The following LDB2 variants were observed in gnomAD, a reference collection of about 807,000 sequenced individuals.
The protein encoded by LDB2 is LIM domain-binding protein 2.
In LDB2, 12 loss-of-function variants were observed where a neutral mutation model predicts 44.3. The observed-to-expected ratio is 0.27, with a 90% CI of 0.17 to 0.44. The LOEUF (loss-of-function observed/expected upper bound fraction) is 0.44, where lower values mean the gene tolerates loss of function less well. LDB2 is among the 20% of genes least tolerant of loss of function. The probability of loss-of-function intolerance (pLI) is 1.00; values close to 1 mark genes in which losing one functional copy is unlikely to be tolerated. For synonymous variants in LDB2, 164 were observed against 174.8 expected, an observed-to-expected ratio of 0.94 and a Z score of 0.49; for missense variants, 344 against 473.5, an observed-to-expected ratio of 0.73 and a Z score of 2.54.
chr4:16,748,767 T>C (rs1409795389), intron 2 of LDB2, among the ~76,000 whole-genome samples: 1 of 152,212 alleles, frequency 6.6e-6, no homozygotes. Context: ...TTTTTCCAAA[T>C]GCTTTACGTT....
chr4:16,512,729 A>T (rs895814637), intron 5 of LDB2, among the ~76,000 whole-genome samples: 1 of 152,224 alleles, frequency 6.6e-6, no homozygotes, highest in African/African-American at 2.4e-5. Flanking sequence ...TGTAAATAAC[A>T]TATGTCAACA....
chr4:16,542,670 AAT>A (rs1285407609), intron 5 of LDB2, among the ~76,000 whole-genome samples: 1 of 152,194 alleles, frequency 6.6e-6, no homozygotes, highest in Non-Finnish European at 1.5e-5. Flanking sequence ...GTCCAAAAAC[AAT>A]AGTCTATTCA....
In LDB2 at chr4:16,777,158, C is replaced by T. The variant is rs115024601; in HGVS notation, c.133-17898G>A. Reference sequence around the variant, plus strand: ...GCAGGCACTGGAAGTAGAGGGTGAACAGGAATAGCCTAGCCCCCTCCCACA... The same window carrying T: ...GCAGGCACTGGAAGTAGAGGGTGAATAGGAATAGCCTAGCCCCCTCCCACA... On this transcript the variant is annotated intron_variant, in intron 1 of 7. Transcript: ENST00000304523. 6.8e-3 allele frequency among the ~76,000 whole-genome samples: 1,034 copies of T among 152,208 alleles called. 8 individuals are homozygous for T. Among genetic ancestry groups the T allele is most frequent in the African/African-American group, 0.024 (981 of 41,530 alleles).
intron 5 of LDB2, among the ~76,000 whole-genome samples, chr4:16,536,221 C>G (rs150330624): frequency 6.6e-6 from 1 of 152,294 alleles, no homozygotes; most frequent in Non-Finnish European, 1.5e-5. Flanking sequence ...TGTGTAGGAG[C>G]AGATAGCAAG....
chr4:16,705,863 CA>C (rs1241623587), intron 2 of LDB2, among the ~76,000 whole-genome samples: 2 of 152,230 alleles, frequency 1.3e-5, no homozygotes, highest in East Asian at 3.9e-4. Flanking sequence ...TCTCTCCAAT[CA>C]GATATAAATT....
At chr4:16,737,854 G>A (rs1762219998) in intron 2 of LDB2, among the ~76,000 whole-genome samples, 1 of 152,088 alleles carries the variant, frequency 6.6e-6, no homozygotes, top group African/African-American at 2.4e-5. Flanking sequence ...TGTGTTTTAA[G>A]AATTATCTTC....
chr4:16,866,057 C>T (rs1219685900), intron 1 of LDB2, among the ~76,000 whole-genome samples: 1 of 152,164 alleles, frequency 6.6e-6, no homozygotes, highest in African/African-American at 2.4e-5. Flanking sequence ...GCATGGAAGT[C>T]TAATAATTGT....
At chr4:16,555,848 A>G (rs950237999) in intron 5 of LDB2, among the ~76,000 whole-genome samples, 1 of 152,076 alleles carries the variant, frequency 6.6e-6, no homozygotes, top group Non-Finnish European at 1.5e-5. Flanking sequence ...TCTGCCACCA[A>G]CCACTCCGCC....
chr4:16,505,744 A>G (rs1481917010), intron 7 of LDB2: 1 of 1,297,258 alleles, frequency 7.7e-7, no homozygotes, highest in Non-Finnish European at 1.0e-6. Context: ...GCTCCCCACA[A>G]GGCCAACTTC....
intron 1 of LDB2, among the ~76,000 whole-genome samples, chr4:16,866,737 C>T (rs930450194): frequency 1.1e-4 from 17 of 152,160 alleles, no homozygotes; most frequent in African/African-American, 4.1e-4. Flanking sequence ...CATACAAAAA[C>T]GTCCTGTCTT....
At chr4:16,731,889 C>A (rs895157666) in intron 2 of LDB2, among the ~76,000 whole-genome samples, 1 of 152,008 alleles carries the variant, frequency 6.6e-6, no homozygotes, top group African/African-American at 2.4e-5. Flanking sequence ...AAAAAGCAAA[C>A]GAATGTAAAT....
chr4:16,725,475 G>A lies in LDB2; in HGVS notation c.235+33683C>T, dbSNP rs183092384. On this transcript the variant is annotated intron_variant, in intron 2 of 7. Coordinates refer to ENST00000304523, the MANE Select transcript of LDB2 (RefSeq NM_001290.5). ...TCAGACTTGCAGGAAGCCGGATCCC[G>A]CTATCTCTAGTAACAATCCAGGAAG... is the stretch of plus-strand genomic sequence containing the variant. Among the ~76,000 whole-genome samples, 433 of 152,172 alleles carry A rather than the reference G, an allele frequency of 2.8e-3. 1 individual carries two copies. The highest frequency in any genetic ancestry group is 4.1e-3 in the Non-Finnish European group (276 of 67,988).
Position 16,712,559 on chromosome 4 carries a change from A to C in LDB2, c.235+46599T>G, listed in dbSNP as rs1239949934. 2.6e-5 allele frequency among the ~76,000 whole-genome samples: 4 copies of C among 152,170 alleles called. No individual in the cohort carries two copies. The East Asian group carries it at 5.8e-4, about 22-fold the overall frequency. ...ACGGTGAGACTCTGTCTCAAAAAAA[A>C]CAAAAAGAAAAGAAAAGAAATTTCT... is the stretch of plus-strand genomic sequence containing the variant. On this transcript the variant is annotated intron_variant, in intron 2 of 7. Transcript: ENST00000304523.
rs570015306 is a variant in LDB2, at chr4:16,505,360, C to CGT, written c.892-2489_892-2488dup. On this transcript the variant is annotated intron_variant, in intron 7 of 7. Coordinates refer to ENST00000304523, the MANE Select transcript of LDB2 (RefSeq NM_001290.5). Reference sequence around the variant, plus strand: ...GTGTGTGTGTGTGAGAGAGAGAGAGCGTGTGTGTGTGTGTGTATGTGTTTG... The same window carrying CGT: ...GTGTGTGTGTGTGAGAGAGAGAGAGCGTGTGTGTGTGTGTGTGTATGTGTTTG... 1.8e-3 allele frequency among the ~76,000 whole-genome samples: 262 copies of CGT among 149,592 alleles called. 3 individuals are homozygous for CGT. Among genetic ancestry groups the CGT allele is most frequent in the Middle Eastern group, 3.4e-3 (1 of 292 alleles).
intron 1 of LDB2, among the ~76,000 whole-genome samples, chr4:16,842,683 T>C (rs1262152614): frequency 2.0e-5 from 3 of 152,222 alleles, no homozygotes; most frequent in Non-Finnish European, 4.4e-5. Context: ...GATCTCTATC[T>C]TACCAACAAG....
chr4:16,569,901 C>T (rs189628715), intron 5 of LDB2, among the ~76,000 whole-genome samples: 30 of 152,290 alleles, frequency 2.0e-4, no homozygotes, highest in Non-Finnish European at 3.5e-4. Context: ...CCCTCACATA[C>T]AGGGCTGTTT....
intron 5 of LDB2, among the ~76,000 whole-genome samples, chr4:16,545,890 G>A (rs72619114): frequency 1.3e-5 from 2 of 152,202 alleles, no homozygotes; most frequent in African/African-American, 2.4e-5. Flanking sequence ...GACCACAAGA[G>A]TTAGGCCCCG....
rs942890336 is a variant in LDB2, at chr4:16,540,985, T to C, written c.616-28881A>G. On this transcript the variant is annotated intron_variant, in intron 5 of 7. Transcript: ENST00000304523. ...ATGAAAAATAGTGATGTCTACCAAATTAGTAGTATAAGGATTGATTACATA... is the reference window on the plus strand; with the variant it reads ...ATGAAAAATAGTGATGTCTACCAAACTAGTAGTATAAGGATTGATTACATA... 3.9e-5 allele frequency among the ~76,000 whole-genome samples: 6 copies of C among 152,174 alleles called. No individual in the cohort carries two copies. The East Asian group carries it at 9.6e-4, about 24-fold the overall frequency.
intron 5 of LDB2, among the ~76,000 whole-genome samples, chr4:16,555,657 GTTCCT>G (rs1166264841): frequency 6.6e-6 from 1 of 152,110 alleles, no homozygotes; most frequent in Non-Finnish European, 1.5e-5. Flanking sequence ...TCCTTAAATT[GTTCCT>G]TTCCTCTGCC....
Sources: allele counts gnomAD v4.1 joint callset (sites outside exome capture counted in the v4.1 genomes callset), GRCh38; gene constraint gnomAD v4.1.1; transcripts MANE v1.5; gene names NCBI Gene and HGNC (gene_info 2026-07-23, HGNC 2026-07-21).